MMP26: variants seen among roughly 807,000 people sequenced by gnomAD.
MMP26 encodes matrix metallopeptidase 26.
In MMP26, 33 loss-of-function variants were observed where a neutral mutation model predicts 31.0. That is an observed-to-expected ratio of 1.06 (90% CI 0.81 to 1.42). The LOEUF (loss-of-function observed/expected upper bound fraction) is 1.42. Among genes scored for constraint, MMP26 ranks in the 40% most tolerant of loss-of-function variants. The probability of loss-of-function intolerance (pLI) is 0.00; values close to 1 mark genes in which losing one functional copy is unlikely to be tolerated. For synonymous variants in MMP26, 122 were observed against 114.9 expected, an observed-to-expected ratio of 1.06 and a Z score of -0.40; for missense variants, 347 against 316.1, an observed-to-expected ratio of 1.10 and a Z score of -0.74.
At chr11:4,775,776 G>T (rs75338166) in intron 2 of MMP26, among the ~76,000 whole-genome samples, 1,693 of 151,986 alleles carry the variant, frequency 0.011, 19 homozygotes, top group African/African-American at 0.039. Flanking sequence ...GAGAGAAAGA[G>T]AGAGAGAGAG....
In MMP26 at chr11:4,705,020, C is replaced by A. The variant is rs1847756613; in HGVS notation, c.-242C>A. 1 of 152,156 alleles carries A rather than the reference C, an allele frequency of 6.6e-6. No individual in the cohort carries two copies. Among genetic ancestry groups the A allele is most frequent in the Admixed American group, 6.5e-5 (1 of 15,282 alleles). 9.4% of individuals were successfully genotyped at this position (152,156 alleles called of 1,614,324 possible). A position where few individuals can be genotyped will look rare whatever the true frequency, so the allele number is the denominator to read the frequency against. On this transcript the variant is annotated 5_prime_UTR_variant, in exon 1 of 8. Transcript: ENST00000380390. ...GGGCAGGATCAAATAACCTCACCTT[C>A]CAGACCCAAGAATTCTGTGCACAAG...
At chr11:4,750,590 T>C (rs934260015) in intron 1 of MMP26, among the ~76,000 whole-genome samples, 1 of 152,038 alleles carries the variant, frequency 6.6e-6, no homozygotes, top group African/African-American at 2.4e-5. Context: ...TACTCAGTCA[T>C]AAAAAAGAAT....
At chr11:4,734,866 A>G (rs371642516) in intron 1 of MMP26, among the ~76,000 whole-genome samples, 1 of 151,966 alleles carries the variant, frequency 6.6e-6, no homozygotes, top group East Asian at 1.9e-4. Flanking sequence ...ATCTCTTGGC[A>G]TGAGTACTGC....
chr11:4,827,676 G>A (rs1166089731), intron 2 of MMP26, among the ~76,000 whole-genome samples: 1 of 151,820 alleles, frequency 6.6e-6, no homozygotes, highest in Non-Finnish European at 1.5e-5. Context: ...ATAAAAAGGA[G>A]AAGTAAGGGA....
chr11:4,859,964 C>G (rs777836233), intron 2 of MMP26: 3 of 470,854 alleles, frequency 6.4e-6, no homozygotes, highest in Admixed American at 2.4e-5. Context: ...ACGATGAGGC[C>G]GTAGAGGCTG....
At position 4,822,320 on chromosome 11, in the gene MMP26, A is replaced by C. The variant is rs146486513; in HGVS notation, c.-145+54979A>C. The C allele has an allele frequency of 2.7e-6, 4 of 1,502,974 alleles. No homozygotes were observed. In the African/African-American group the frequency reaches 5.6e-5, roughly 21 times the overall value. The allele number at this position is 1,502,974 out of a possible 1,614,324, so 93.1% of individuals were successfully genotyped here. ...ATTATTTACAGTGTAAAGATTAAGC[A>C]GATTCAAAAGGCCATTATCAAGGTC... On this transcript the variant is annotated intron_variant, in intron 2 of 7. Transcript: ENST00000380390.
At chr11:4,744,369 T>G (rs1473429623) in intron 1 of MMP26, among the ~76,000 whole-genome samples, 1 of 152,192 alleles carries the variant, frequency 6.6e-6, no homozygotes, top group African/African-American at 2.4e-5. Context: ...TCAACAGCAT[T>G]TTGTGTTTTT....
At chr11:4,961,681 A>T (rs1846522998) in intron 2 of MMP26, among the ~76,000 whole-genome samples, 1 of 152,232 alleles carries the variant, frequency 6.6e-6, no homozygotes, top group Non-Finnish European at 1.5e-5. Flanking sequence ...ATTCTTCAGA[A>T]TTTGGCTTTC....
At chr11:4,714,166 A>C (rs1847895861) in intron 1 of MMP26, among the ~76,000 whole-genome samples, 1 of 152,152 alleles carries the variant, frequency 6.6e-6, no homozygotes, top group Admixed American at 6.6e-5. Flanking sequence ...AAAACATTAC[A>C]CTTTACACGC....
chr11:4,882,177 A>T, intron 2 of MMP26: 1 of 1,613,838 alleles, frequency 6.2e-7, no homozygotes, highest in African/African-American at 1.3e-5. Context: ...CATGCCCGGG[A>T]GATCAGCTTT....
intron 2 of MMP26, among the ~76,000 whole-genome samples, chr11:4,880,331 A>C (rs867233917): frequency 6.6e-6 from 1 of 152,012 alleles, no homozygotes; most frequent in Non-Finnish European, 1.5e-5. Flanking sequence ...GAAGTGGGGC[A>C]GGGGGAGTTT....
At chr11:4,885,713 A>G (rs1421549873) in intron 2 of MMP26, among the ~76,000 whole-genome samples, 1 of 152,124 alleles carries the variant, frequency 6.6e-6, no homozygotes, top group South Asian at 2.1e-4. Flanking sequence ...GGGCATACAT[A>G]TGTATACATT....
At chr11:4,897,247 C>G (rs1205071193) in intron 2 of MMP26, among the ~76,000 whole-genome samples, 1 of 152,112 alleles carries the variant, frequency 6.6e-6, no homozygotes, top group African/African-American at 2.4e-5. Context: ...TCAAGCAATT[C>G]TCCTGCCTCA....
At chr11:4,799,777 T>C (rs1849156836) in intron 2 of MMP26, among the ~76,000 whole-genome samples, 1 of 152,200 alleles carries the variant, frequency 6.6e-6, no homozygotes. Flanking sequence ...GGTTAAATAT[T>C]CCCAATCCAA....
intron 2 of MMP26, among the ~76,000 whole-genome samples, chr11:4,883,615 C>T (rs1850509739): frequency 6.6e-6 from 1 of 152,060 alleles, no homozygotes. Flanking sequence ...ATAGCTACTC[C>T]ATTGCTAACT....
chr11:4,786,498 T>A (rs111702518), intron 2 of MMP26, among the ~76,000 whole-genome samples: 30 of 83,386 alleles, frequency 3.6e-4, no homozygotes, highest in Non-Finnish European at 5.1e-4. Context: ...TGATCCTTTT[T>A]TTTTTTTTTT....
At chr11:4,727,387 T>C (rs1589884813) in intron 1 of MMP26, among the ~76,000 whole-genome samples, 1 of 152,128 alleles carries the variant, frequency 6.6e-6, no homozygotes, top group Non-Finnish European at 1.5e-5. Context: ...CTTACAGTCA[T>C]CAAACATTTA....
intron 2 of MMP26, among the ~76,000 whole-genome samples, chr11:4,905,504 A>T (rs528302682): frequency 1.4e-4 from 22 of 152,268 alleles, no homozygotes; most frequent in African/African-American, 5.1e-4. Flanking sequence ...ATCAATTTCC[A>T]GTGTCTCCTG....
intron 2 of MMP26, among the ~76,000 whole-genome samples, chr11:4,920,576 C>G (rs947556029): frequency 2.6e-5 from 4 of 152,258 alleles, no homozygotes; most frequent in African/African-American, 9.6e-5. Flanking sequence ...GGATTATGGT[C>G]ATAATGATAA....
Sources: gnomAD v4.1 joint callset for allele counts (sites outside exome capture counted in the v4.1 genomes callset) on GRCh38, gnomAD v4.1.1 for gene constraint, MANE v1.5 for transcripts, NCBI Gene and HGNC (gene_info 2026-07-23, HGNC 2026-07-21) for gene names.